Variants in PCYOX1L observed in about 807,000 individuals in gnomAD.
PCYOX1L encodes prenylcysteine oxidase 1-like.
Under a neutral mutation model 44.1 loss-of-function variants are expected in PCYOX1L, and 40 were observed. The ratio of observed to expected loss-of-function variants is 0.91; its 90% CI spans 0.70 to 1.18. The LOEUF (loss-of-function observed/expected upper bound fraction) is 1.18. Ranked by LOEUF, PCYOX1L falls within the 50% of genes most tolerant of loss-of-function variation. The pLI is 0.00. For synonymous variants in PCYOX1L, 266 were observed against 282.8 expected (o/e 0.94, Z 0.60); for missense variants, 605 against 653.3 (o/e 0.93, Z 0.81).
rs968992606 is a variant in PCYOX1L, at chr5:149,368,896, A to G, written c.*242A>G. On this transcript the variant is annotated 3_prime_UTR_variant, in exon 6 of 6. Coordinates refer to ENST00000274569, the MANE Select transcript of PCYOX1L (RefSeq NM_024028.4). ...CCAAGCCAGTATATTTGTTTTATTT[A>G]TTTTTTTTAAGAAGAAAAAAGTTCA... The G allele has an allele frequency of 2.7e-6, 1 of 368,512 alleles. No homozygotes were observed. Among genetic ancestry groups the G allele is most frequent in the African/African-American group, 2.1e-5 (1 of 47,828 alleles). 22.8% of individuals were successfully genotyped at this position (368,512 alleles called of 1,614,324 possible).
Position 149,368,195 on chromosome 5 carries a change from C to G in PCYOX1L, c.1026C>G (p.Asn342Lys). The change falls in exon 6 of 6, where the codon AAC (asparagine) becomes AAG (lysine). Residue 342 changes from asparagine (N) to lysine (K), a missense_variant. Coordinates refer to ENST00000274569, the MANE Select transcript of PCYOX1L (RefSeq NM_024028.4). ...TVVSLVHGYL[N>K]SSYFGFPDPK... is the part of the protein sequence containing the mutation. The stretch of plus-strand genomic sequence containing the variant: ...TCTCCTTGGTCCACGGCTACCTCAA[C>G]TCGTCCTACTTCGGTTTCCCAGACC... 6.2e-7 allele frequency: 1 copy of G among 1,614,104 alleles called. No individual in the cohort carries two copies. The highest frequency in any genetic ancestry group is 8.5e-7 in the Non-Finnish European group (1 of 1,180,004).
At position 149,368,352 on chromosome 5, in the gene PCYOX1L, C is replaced by T. The variant is rs922819349; in HGVS notation, c.1183C>T (p.Arg395Ter). 1.4e-5 allele frequency: 23 copies of T among 1,614,074 alleles called. No homozygotes were observed. In the South Asian group the frequency reaches 1.9e-4, roughly 13 times the overall value. ...RKQPQEAAVW[R>*]VQSPKPLFRT... ...GCAGCCCCAGGAGGCAGCTGTTTGG[C>T]GAGTCCAGTCCCCCAAGCCCCTCTT... The change falls in exon 6 of 6, where the codon CGA (arginine) becomes TGA (stop). Residue 395 changes from arginine (R) to a stop codon, truncating the protein, a stop_gained. Transcript: ENST00000274569. LOFTEE classifies it high-confidence loss of function.
rs1267668916 is a variant in PCYOX1L at position 149,368,194 on chromosome 5, A to G, written c.1025A>G (p.Asn342Ser). The G allele has an allele frequency of 3.7e-6, 6 of 1,613,620 alleles. No individual in the cohort carries two copies. The highest frequency in any genetic ancestry group is 5.1e-6 in the Non-Finnish European group (6 of 1,179,946). ...GTCTCCTTGGTCCACGGCTACCTCA[A>G]CTCGTCCTACTTCGGTTTCCCAGAC... is the stretch of plus-strand genomic sequence containing the variant. Reference protein sequence around the residue: ...TVVSLVHGYLNSSYFGFPDPK... With the variant: ...TVVSLVHGYLSSSYFGFPDPK... The change falls in exon 6 of 6, where the codon AAC becomes AGC. Residue 342 changes from asparagine to serine, a missense_variant. Coordinates refer to ENST00000274569, the MANE Select transcript of PCYOX1L (RefSeq NM_024028.4).
In PCYOX1L at chr5:149,365,940, A is replaced by G; in HGVS notation, c.471-2A>G. 6.2e-7 allele frequency: 1 copy of G among 1,614,070 alleles called. No individual in the cohort carries two copies. Among genetic ancestry groups the G allele is most frequent in the Non-Finnish European group, 8.5e-7 (1 of 1,179,948 alleles). On this transcript the variant is annotated splice_acceptor_variant, in intron 3 of 5. Transcript: ENST00000274569. LOFTEE classifies it high-confidence loss of function. Reference sequence around the variant, plus strand: ...AGGACTCCAGCTCTATGTGTCTTCTAGGATCTATAAGTACCAGGCCCACGG... The same window carrying G: ...AGGACTCCAGCTCTATGTGTCTTCTGGGATCTATAAGTACCAGGCCCACGG...
chr5:149,358,565 C>T (rs1392309570), intron 1 of PCYOX1L, among the ~76,000 whole-genome samples: 1 of 152,152 alleles, frequency 6.6e-6, no homozygotes, highest in Non-Finnish European at 1.5e-5. Context: ...GGGTAGAGCC[C>T]TCACAGTACA....
chr5:149,362,292 G>A, intron 1 of PCYOX1L: 1 of 307,912 alleles, frequency 3.2e-6, no homozygotes. Flanking sequence ...CAATTCATAG[G>A]GAAATAAGAA....
chr5:149,358,089 G>GCTCGCCGCGTTGACCGCGCTC lies in PCYOX1L; in HGVS notation c.30_50dup (p.Leu11_Ala17dup), dbSNP rs1157405714. 15 of 1,437,092 alleles carry GCTCGCCGCGTTGACCGCGCTC rather than the reference G, an allele frequency of 1.0e-5. No individual in the cohort carries two copies. The highest frequency in any genetic ancestry group is 1.4e-5 in the South Asian group (1 of 72,334). 89.0% of individuals were successfully genotyped at this position (1,437,092 alleles called of 1,614,324 possible). On this transcript the variant is annotated inframe_insertion, in exon 1 of 6. Coordinates refer to ENST00000274569, the MANE Select transcript of PCYOX1L (RefSeq NM_024028.4). ...CCGCCATGGCCCGCGCAGCCCCGCTGCTCGCCGCGTTGACCGCGCTCCTCG... is the reference window on the plus strand; with the variant it reads ...CCGCCATGGCCCGCGCAGCCCCGCTGCTCGCCGCGTTGACCGCGCTCCTCGCCGCGTTGACCGCGCTCCTCG...
chr5:149,367,319 G>A (rs1288377713), intron 4 of PCYOX1L, 41 bp from the exon 5 acceptor site: 1 of 1,582,738 alleles, frequency 6.3e-7, no homozygotes, highest in East Asian at 2.3e-5. Context: ...CTGCCCCACG[G>A]CCCTGACAAC....
At chr5:149,364,333 T>G in intron 3 of PCYOX1L, 123 bp downstream of exon 3, 1 of 1,214,296 alleles carries the variant, frequency 8.2e-7, no homozygotes, top group Non-Finnish European at 1.1e-6. Flanking sequence ...CCAGCACAAT[T>G]CAGTGCAGGC....
chr5:149,366,163 CA>C lies in PCYOX1L; in HGVS notation c.682+12del, dbSNP rs1428252989. The C allele has an allele frequency of 6.2e-7, 1 of 1,607,686 alleles. No homozygotes were observed. Among genetic ancestry groups the C allele is most frequent in the Non-Finnish European group, 8.5e-7 (1 of 1,179,616 alleles). The stretch of plus-strand genomic sequence containing the variant: ...ATGCCCGCCTTTGCAGGTAAGCGTC[CA>C]ACCCTTGGCCTGCCCACCTGCCCCT... On this transcript the variant is annotated intron_variant, in intron 4 of 5. Transcript: ENST00000274569.
chr5:149,358,311 G>A, intron 1 of PCYOX1L, 155 bp downstream of exon 1: 2 of 1,191,938 alleles, frequency 1.7e-6, no homozygotes, highest in Non-Finnish European at 2.1e-6. Flanking sequence ...AGGGGACGCG[G>A]CAGGGAAGGT....
Position 149,362,639 on chromosome 5 carries a change from G to A in PCYOX1L, c.91G>A (p.Val31Met), listed in dbSNP as rs1758047491. 1.2e-6 allele frequency: 2 copies of A among 1,613,976 alleles called. No individual in the cohort carries two copies. The highest frequency in any genetic ancestry group is 2.7e-5 in the African/African-American group (2 of 74,946). ...CTACCTCCCGGGCCTGCTGACAGCG[G>A]TGGTTGGGGCTGGGATTGGGGGCTC... Reference protein sequence around the residue: ...GGDAPPGKIAVVGAGIGGSAV... With the variant: ...GGDAPPGKIAMVGAGIGGSAV... Residue 31 changes from valine (V) to methionine (M), a missense_variant and splice_region_variant, in exon 2 of 6, where the codon GTG becomes ATG. Coordinates refer to ENST00000274569, the MANE Select transcript of PCYOX1L (RefSeq NM_024028.4).
chr5:149,358,132 G>A lies in PCYOX1L; in HGVS notation c.64G>A (p.Gly22Arg), dbSNP rs1292334102. 87 of 1,457,698 alleles carry A rather than the reference G, an allele frequency of 6.0e-5. No homozygotes were observed. Among genetic ancestry groups the A allele is most frequent in the Non-Finnish European group, 7.1e-5 (79 of 1,107,850 alleles). The allele number at this position is 1,457,698 out of a possible 1,614,324, so 90.3% of individuals were successfully genotyped here. A position where few individuals can be genotyped will look rare whatever the true frequency, so the allele number is the denominator to read the frequency against. Residue 22 changes from glycine to arginine, a missense_variant, in exon 1 of 6, where the codon GGA (glycine) becomes AGA (arginine). Gly to Arg is a moderately radical substitution (Grantham distance 125). Coordinates refer to ENST00000274569, the MANE Select transcript of PCYOX1L (RefSeq NM_024028.4). ...TALLAAAAAG[G>R]DAPPGKIAVV... The stretch of plus-strand genomic sequence containing the variant: ...GCTCCTCGCCGCCGCCGCTGCTGGC[G>A]GAGATGCCCCGCCGGGCAAAATCGG...
At chr5:149,358,567 C>CAAA (rs1491112883) in intron 1 of PCYOX1L, among the ~76,000 whole-genome samples, 2 of 152,090 alleles carry the variant, frequency 1.3e-5, no homozygotes, top group Non-Finnish European at 2.9e-5. Flanking sequence ...GTAGAGCCCT[C>CAAA]ACAGTACAGG....
chr5:149,367,275 G>A, intron 4 of PCYOX1L, 85 bp from the exon 5 acceptor site: 1 of 1,472,626 alleles, frequency 6.8e-7, no homozygotes, highest in Non-Finnish European at 9.0e-7. Context: ...TGGCAGGGAG[G>A]CCCAGTCGAA....
rs556697864 is a variant in PCYOX1L at position 149,367,875 on chromosome 5, A to G, written c.824-118A>G. 9 of 1,116,566 alleles carry G rather than the reference A, an allele frequency of 8.1e-6. No homozygotes were observed. In the African/African-American group the frequency reaches 1.4e-4, roughly 17 times the overall value. 69.2% of individuals were successfully genotyped at this position (1,116,566 alleles called of 1,614,324 possible). A position where few individuals can be genotyped will look rare whatever the true frequency, so the allele number is the denominator to read the frequency against. On this transcript the variant is annotated intron_variant, in intron 5 of 5. Transcript: ENST00000274569. ...GGAGAGGCCAGGACCCACCATTTAG[A>G]CAGCCCTGCTGCACCCTGAGCACCA... is the stretch of plus-strand genomic sequence containing the variant.
Position 149,367,989 on chromosome 5 carries a change from C to A in PCYOX1L, c.824-4C>A. 1 of 1,522,410 alleles carries A rather than the reference C, an allele frequency of 6.6e-7. No homozygotes were observed. Among genetic ancestry groups the A allele is most frequent in the South Asian group, 1.3e-5 (1 of 75,372 alleles). The allele number at this position is 1,522,410 out of a possible 1,614,324, so 94.3% of individuals were successfully genotyped here. ...AGTTGACTTTTGTGCTCTTTTCTTT[C>A]CAGAGGGGAAAGCCCTGTACCAGGT... On this transcript the variant is annotated splice_polypyrimidine_tract_variant and splice_region_variant and intron_variant, in intron 5 of 5. Coordinates refer to ENST00000274569, the MANE Select transcript of PCYOX1L (RefSeq NM_024028.4).
intron 2 of PCYOX1L, 112 bp from the exon 3 acceptor site, chr5:149,363,924 C>G: frequency 8.1e-7 from 1 of 1,239,502 alleles, no homozygotes; most frequent in South Asian, 1.5e-5. Flanking sequence ...TAACAAGCAG[C>G]ACAAATGAAC....
In PCYOX1L at chr5:149,366,002, A is replaced by G. The variant is rs768630755; in HGVS notation, c.531A>G (p.Ser177=). 6.2e-7 allele frequency: 1 copy of G among 1,614,188 alleles called. No homozygotes were observed. The highest frequency in any genetic ancestry group is 1.1e-5 in the South Asian group (1 of 91,080). ...CGGGTGTGGAGGAGCTGCTCTACTC[A>G]CTGGGGGAGTCCACCTTTGTTAACA... ...AFSGVEELLY[S]LGESTFVNMT... is the part of the protein sequence containing the mutation. The change falls in exon 4 of 6, where the codon TCA becomes TCG. Residue 177 remains serine (S), a synonymous_variant. Transcript: ENST00000274569.
Sources: gnomAD v4.1 joint callset for allele counts (sites outside exome capture counted in the v4.1 genomes callset) on GRCh38, gnomAD v4.1.1 for gene constraint, MANE v1.5 for transcripts, NCBI Gene and HGNC (gene_info 2026-07-23, HGNC 2026-07-21) for gene names.